FAM20C: variants seen among roughly 807,000 people sequenced by gnomAD.
FAM20C encodes extracellular serine/threonine protein kinase FAM20C.
A neutral mutation model predicts 51.5 loss-of-function variants in FAM20C; 40 were observed. The observed-to-expected ratio is 0.78, with a 90% CI of 0.60 to 1.01. The LOEUF is 1.01. FAM20C is among the 50% of genes least tolerant of loss of function. The pLI, the probability that FAM20C is intolerant of heterozygous loss-of-function variation, is 0.00. For missense variants in FAM20C, 861 were observed against 844.7 expected (o/e 1.02, Z -0.24); for synonymous variants, 406 against 380.6 (o/e 1.07, Z -0.78).
chr7:216,910 G>A (rs1238850460), intron 3 of FAM20C, among the ~76,000 whole-genome samples: 1 of 152,130 alleles, frequency 6.6e-6, no homozygotes, highest in Admixed American at 6.5e-5. Flanking sequence ...GCTGGGGCCT[G>A]TCTCCGGGCA....
At chr7:199,061 T>C (rs985225227) in intron 2 of FAM20C, among the ~76,000 whole-genome samples, 1 of 152,226 alleles carries the variant, frequency 6.6e-6, no homozygotes, top group Non-Finnish European at 1.5e-5. Flanking sequence ...TCTCCTGGTC[T>C]GCAGGGAACG....
intron 2 of FAM20C, among the ~76,000 whole-genome samples, chr7:200,755 C>T (rs759529639): frequency 4.7e-4 from 72 of 152,150 alleles, no homozygotes; most frequent in Non-Finnish European, 9.0e-4. Flanking sequence ...GTGTGATGGA[C>T]GGGACTTTGG....
chr7:227,712 C>T (rs529970064), intron 3 of FAM20C: 2 of 152,224 alleles, frequency 1.3e-5, no homozygotes, highest in Non-Finnish European at 2.9e-5. Context: ...TCCATGAATA[C>T]TGGATGAGCC....
chr7:230,979 G>A (rs1223239132), intron 3 of FAM20C, among the ~76,000 whole-genome samples: 9 of 152,210 alleles, frequency 5.9e-5, no homozygotes, highest in Non-Finnish European at 1.2e-4. Context: ...TCGGGAGGCT[G>A]AGGTGGGAGT....
chr7:222,950 G>A (rs562013875), intron 3 of FAM20C, among the ~76,000 whole-genome samples: 1 of 152,118 alleles, frequency 6.6e-6, no homozygotes, highest in South Asian at 2.1e-4. Context: ...GTGCATGTGT[G>A]TGTGAGGGCG....
chr7:219,075 C>T (rs1350582135), intron 3 of FAM20C, among the ~76,000 whole-genome samples: 2 of 152,204 alleles, frequency 1.3e-5, no homozygotes, highest in Admixed American at 1.3e-4. Context: ...CAGAGGCTGG[C>T]CCCTCCTGGG....
intron 2 of FAM20C, among the ~76,000 whole-genome samples, chr7:200,148 C>T (rs545921321): frequency 5.8e-4 from 89 of 152,336 alleles, no homozygotes; most frequent in Admixed American, 1.8e-3. Flanking sequence ...GAGGGCACAG[C>T]CACCGTGTCT....
intron 2 of FAM20C, among the ~76,000 whole-genome samples, chr7:197,969 G>A (rs551305084): frequency 6.6e-6 from 1 of 152,230 alleles, no homozygotes; most frequent in Non-Finnish European, 1.5e-5. Flanking sequence ...CATTGCAGGG[G>A]TGTGGACAGA....
Position 260,038 on chromosome 7 carries a change from AGCGCAT to A in FAM20C, c.*63_*68del. The A allele has an allele frequency of 1.4e-6, 2 of 1,448,230 alleles. No individual in the cohort carries two copies. The highest frequency in any genetic ancestry group is 4.7e-5 in the Admixed American group (2 of 42,554). The allele number at this position is 1,448,230 out of a possible 1,614,324, so 89.7% of individuals were successfully genotyped here. A position where few individuals can be genotyped will look rare whatever the true frequency, so the allele number is the denominator to read the frequency against. On this transcript the variant is annotated 3_prime_UTR_variant, in exon 10 of 10. Transcript: ENST00000313766. ...GACAGAGGCGCCGGACCTCCCAGCAAGCGCATGCGCCCGTCGTGAATTCAGTGAATT... is the reference window on the plus strand; with the variant it reads ...GACAGAGGCGCCGGACCTCCCAGCAAGCGCCCGTCGTGAATTCAGTGAATT...
At chr7:220,087 G>C (rs1787185102) in intron 3 of FAM20C, among the ~76,000 whole-genome samples, 1 of 152,176 alleles carries the variant, frequency 6.6e-6, no homozygotes, top group African/African-American at 2.4e-5. Flanking sequence ...GACTCCCTGG[G>C]GGAAGCCAAG....
chr7:214,600 C>G (rs568970375), intron 3 of FAM20C, among the ~76,000 whole-genome samples: 1 of 152,298 alleles, frequency 6.6e-6, no homozygotes, highest in African/African-American at 2.4e-5. Flanking sequence ...GCCACTGTTG[C>G]TGTTTGACCT....
chr7:213,061 C>A (rs995101804), intron 3 of FAM20C, among the ~76,000 whole-genome samples: 1 of 151,532 alleles, frequency 6.6e-6, no homozygotes, highest in African/African-American at 2.5e-5. Context: ...AATGGAATCA[C>A]GCACTGCGTA....
intron 3 of FAM20C, among the ~76,000 whole-genome samples, chr7:213,575 G>C (rs184875300): frequency 1.3e-5 from 2 of 152,112 alleles, no homozygotes; most frequent in Non-Finnish European, 2.9e-5. Flanking sequence ...CTCTGTTGAC[G>C]GGCATTTGAG....
chr7:256,937 C>T, intron 7 of FAM20C, 68 bp from the exon 8 acceptor site: 1 of 1,503,240 alleles, frequency 6.7e-7, no homozygotes, highest in South Asian at 1.2e-5. Flanking sequence ...CTCTGCAGAG[C>T]ACAGAGGCCT....
chr7:198,356 C>T (rs904881902), intron 2 of FAM20C, among the ~76,000 whole-genome samples: 1 of 152,184 alleles, frequency 6.6e-6, no homozygotes, highest in Non-Finnish European at 1.5e-5. Context: ...TCACCGAGAA[C>T]ACAGAGAAGG....
At chr7:258,814 A>G in intron 9 of FAM20C, 109 bp downstream of exon 9, 1 of 1,098,970 alleles carries the variant, frequency 9.1e-7, no homozygotes, top group Non-Finnish European at 1.3e-6. Flanking sequence ...CATGGGAGAG[A>G]AAAGGCCCCG....
At chr7:223,532 C>T (rs1469643005) in intron 3 of FAM20C, among the ~76,000 whole-genome samples, 1 of 152,206 alleles carries the variant, frequency 6.6e-6, no homozygotes, top group Non-Finnish European at 1.5e-5. Context: ...CAGGCGGGCA[C>T]ATGGTGGGGC....
At chr7:211,708 G>A (rs1241034313) in intron 3 of FAM20C, among the ~76,000 whole-genome samples, 1 of 152,170 alleles carries the variant, frequency 6.6e-6, no homozygotes, top group African/African-American at 2.4e-5. Flanking sequence ...GGTGGGGGCC[G>A]GGTTACAGCA....
At chr7:248,235 C>T (rs919545275) in intron 4 of FAM20C, 80 bp from the exon 5 acceptor site, 11 of 1,012,644 alleles carry the variant, frequency 1.1e-5, no homozygotes, top group African/African-American at 3.2e-5. Context: ...TCCCCTGCCC[C>T]GTTCTTATTT....
Sources: gnomAD v4.1 joint callset for allele counts (sites outside exome capture counted in the v4.1 genomes callset) on GRCh38, gnomAD v4.1.1 for gene constraint, MANE v1.5 for transcripts, NCBI Gene and HGNC (gene_info 2026-07-23, HGNC 2026-07-21) for gene names.